Variants in ATL1 observed in about 807,000 individuals in gnomAD.
The protein encoded by ATL1 is atlastin GTPase 1.
In ATL1, 31 loss-of-function variants were observed where a neutral mutation model predicts 75.5. The observed-to-expected ratio is 0.41, with a 90% CI of 0.31 to 0.55. ATL1 has a LOEUF of 0.55. Among genes scored for constraint, ATL1 ranks in the 20% least tolerant of loss-of-function variants. The pLI is 0.27. For missense variants in ATL1, 405 were observed against 662.6 expected (o/e 0.61, Z 4.27); for synonymous variants, 226 against 233.3 (o/e 0.97, Z 0.28).
At chr14:50,607,630 C>G (rs1311074438) in intron 6 of ATL1, among the ~76,000 whole-genome samples, 2 of 151,952 alleles carry the variant, frequency 1.3e-5, no homozygotes, top group Admixed American at 1.3e-4. Context: ...TTACCTGAAA[C>G]TGAAATTAGA....
chr14:50,550,911 A>G (rs1288335098), intron 1 of ATL1, among the ~76,000 whole-genome samples: 1 of 152,232 alleles, frequency 6.6e-6, no homozygotes, highest in East Asian at 1.9e-4. Flanking sequence ...CTAAGAGGGA[A>G]GGTCATAGCA....
chr14:50,608,203 G>A (rs564313378), intron 6 of ATL1, among the ~76,000 whole-genome samples: 9 of 151,966 alleles, frequency 5.9e-5, no homozygotes, highest in Non-Finnish European at 8.8e-5. Flanking sequence ...ATATTCATAC[G>A]TGAGCAAATC....
chr14:50,628,018 C>A lies in ATL1; in HGVS notation c.1120-13C>A, dbSNP rs1255779742. 2 of 1,613,890 alleles carry A rather than the reference C, an allele frequency of 1.2e-6. No homozygotes were observed. The highest frequency in any genetic ancestry group is 2.2e-5 in the East Asian group (1 of 44,892). ...CTGCATTGCATAAACAAATACTTCTCTATCTGATACAGATTTGTGGTGGTG... is the reference window on the plus strand; with the variant it reads ...CTGCATTGCATAAACAAATACTTCTATATCTGATACAGATTTGTGGTGGTG... On this transcript the variant is annotated splice_polypyrimidine_tract_variant and intron_variant, in intron 11 of 13. Coordinates refer to ENST00000358385, the MANE Select transcript of ATL1 (RefSeq NM_015915.5).
intron 1 of ATL1, among the ~76,000 whole-genome samples, chr14:50,548,777 TGGGATTACA>T (rs1425865674): frequency 6.6e-6 from 1 of 152,136 alleles, no homozygotes; most frequent in African/African-American, 2.4e-5. Context: ...CCCAAAGTAC[TGGGATTACA>T]GGTGTGAGCC....
At chr14:50,554,881 A>G (rs1328244605) in intron 1 of ATL1, among the ~76,000 whole-genome samples, 2 of 152,158 alleles carry the variant, frequency 1.3e-5, no homozygotes, top group African/African-American at 4.8e-5. Context: ...TTTTCTATAC[A>G]GTCCTGGATT....
intron 6 of ATL1, among the ~76,000 whole-genome samples, chr14:50,596,318 A>T (rs1217664127): frequency 6.6e-6 from 1 of 152,080 alleles, no homozygotes; most frequent in Non-Finnish European, 1.5e-5. Flanking sequence ...AAAAAAAAAA[A>T]TTCTAAATTT....
intron 1 of ATL1, among the ~76,000 whole-genome samples, chr14:50,587,151 T>C (rs75335532): frequency 0.035 from 5,324 of 152,330 alleles, 96 homozygotes; most frequent in Middle Eastern, 0.058. Context: ...GGATCCTTTA[T>C]GTAAATAAGC....
chr14:50,591,525 T>A lies in ATL1; in HGVS notation c.418-10T>A. The A allele has an allele frequency of 6.3e-7, 1 of 1,585,944 alleles. No individual in the cohort carries two copies. Among genetic ancestry groups the A allele is most frequent in the Non-Finnish European group, 8.7e-7 (1 of 1,154,498 alleles). On this transcript the variant is annotated splice_polypyrimidine_tract_variant and intron_variant, in intron 3 of 13. Coordinates refer to ENST00000358385, the MANE Select transcript of ATL1 (RefSeq NM_015915.5). The stretch of plus-strand genomic sequence containing the variant: ...ATAAAATATCAATAATGTACTCTTC[T>A]TGCCTGTAGGTTGCAGTGTTATTGA...
intron 8 of ATL1, among the ~76,000 whole-genome samples, chr14:50,617,132 T>C (rs1456098731): frequency 6.6e-6 from 1 of 152,236 alleles, no homozygotes; most frequent in Admixed American, 6.5e-5. Context: ...TATTTGTTCA[T>C]GGTCCCTCAA....
chr14:50,615,666 T>C (rs368282906), intron 8 of ATL1, among the ~76,000 whole-genome samples: 4 of 152,236 alleles, frequency 2.6e-5, no homozygotes, highest in Non-Finnish European at 5.9e-5. Flanking sequence ...GTCACACTTA[T>C]GAATTCCAAC....
chr14:50,600,405 C>T (rs755292504), intron 6 of ATL1, among the ~76,000 whole-genome samples: 1 of 152,100 alleles, frequency 6.6e-6, no homozygotes, highest in Non-Finnish European at 1.5e-5. Context: ...CATGTTTGGA[C>T]TTGTAACTCT....
At chr14:50,612,704 G>A (rs2039377070) in intron 6 of ATL1, among the ~76,000 whole-genome samples, 2 of 151,948 alleles carry the variant, frequency 1.3e-5, no homozygotes, top group South Asian at 2.1e-4. Flanking sequence ...CTAGGGAGAC[G>A]ACTGGATGAT....
At chr14:50,533,560 G>T (rs2140135661) in intron 1 of ATL1, among the ~76,000 whole-genome samples, 1 of 152,216 alleles carries the variant, frequency 6.6e-6, no homozygotes, top group South Asian at 2.1e-4. Flanking sequence ...TTGCTCTGAA[G>T]GTAGAAATTA....
At chr14:50,556,142 A>G (rs1443904357), upstream of ATL1, among the ~76,000 whole-genome samples, 1 of 152,018 alleles carries the variant, frequency 6.6e-6, no homozygotes, top group Non-Finnish European at 1.5e-5. Context: ...TTGACTTTTG[A>G]CTTTTTAAAA....
intron 11 of ATL1, among the ~76,000 whole-genome samples, chr14:50,626,718 T>C (rs1311750670): frequency 6.6e-6 from 1 of 152,254 alleles, no homozygotes; most frequent in Non-Finnish European, 1.5e-5. Context: ...AGGGAAAGTG[T>C]GGTATTTATC....
At chr14:50,597,002 G>A (rs992539292) in intron 6 of ATL1, among the ~76,000 whole-genome samples, 2 of 151,990 alleles carry the variant, frequency 1.3e-5, no homozygotes, top group Admixed American at 6.6e-5. Flanking sequence ...TTGAGGTCAG[G>A]AGTTCAAGAC....
intron 1 of ATL1, chr14:50,560,506 G>A: frequency 3.1e-6 from 2 of 647,448 alleles, no homozygotes; most frequent in East Asian, 5.7e-5. Context: ...TCGGGGTGAG[G>A]GCTGCAGCTT....
At chr14:50,627,785 AATATT>A (rs1468738495) in intron 11 of ATL1, among the ~76,000 whole-genome samples, 1 of 152,178 alleles carries the variant, frequency 6.6e-6, no homozygotes, top group African/African-American at 2.4e-5. Context: ...TTAAGTGATA[AATATT>A]ATTTTCCATG....
chr14:50,577,873 A>G (rs1398005828), intron 1 of ATL1, among the ~76,000 whole-genome samples: 5 of 152,178 alleles, frequency 3.3e-5, no homozygotes, highest in African/African-American at 1.2e-4. Context: ...CATTGTATGG[A>G]TATACCACAT....
Sources: gnomAD v4.1 joint callset for allele counts (sites outside exome capture counted in the v4.1 genomes callset) on GRCh38, gnomAD v4.1.1 for gene constraint, MANE v1.5 for transcripts, NCBI Gene and HGNC (gene_info 2026-07-23, HGNC 2026-07-21) for gene names.